Variants in RPTOR observed in about 807,000 individuals in gnomAD.
RPTOR encodes the protein regulatory-associated protein of mTOR.
In RPTOR, 21 loss-of-function variants were observed where a neutral mutation model predicts 169.9. That is an observed-to-expected ratio of 0.12 (90% CI 0.09 to 0.18). The LOEUF (loss-of-function observed/expected upper bound fraction) is 0.18. RPTOR is among the 10% of genes least tolerant of loss of function. RPTOR has a pLI of 1.00. For synonymous variants in RPTOR, 732 were observed against 753.2 expected (o/e 0.97, Z 0.46); for missense variants, 1,133 against 1,855.9 (o/e 0.61, Z 7.16).
intron 8 of RPTOR, 76 bp downstream of exon 8, chr17:80,822,377 G>A: frequency 7.1e-7 from 1 of 1,417,754 alleles, no homozygotes; most frequent in Non-Finnish European, 9.9e-7. Flanking sequence ...GGACATGAGA[G>A]GAGTCAGATA....
intron 1 of RPTOR, among the ~76,000 whole-genome samples, chr17:80,560,840 C>T (rs9893668): frequency 0.97 from 146,942 of 152,098 alleles, 70,996 homozygotes; most frequent in East Asian, 1. Context: ...CACTGCTGAG[C>T]CCGAGGCTGT....
In RPTOR at chr17:80,880,265, A is replaced by G. The variant is rs2068171533; in HGVS notation, c.1510-150A>G. 1.5e-5 allele frequency: 10 copies of G among 680,614 alleles called. No individual in the cohort carries two copies. The South Asian group carries it at 1.5e-4, about 10-fold the overall frequency. 42.2% of individuals were successfully genotyped at this position (680,614 alleles called of 1,614,324 possible). A position where few individuals can be genotyped will look rare whatever the true frequency, so the allele number is the denominator to read the frequency against. On this transcript the variant is annotated intron_variant, in intron 13 of 33. Transcript: ENST00000306801. Reference sequence around the variant, plus strand: ...AAGCATGTCTGCAGGCACCGGCTGCAGCTGTTTTTCAAATGAAAACTGGGC... The same window carrying G: ...AAGCATGTCTGCAGGCACCGGCTGCGGCTGTTTTTCAAATGAAAACTGGGC...
chr17:80,891,691 C>G (rs2289763), intron 17 of RPTOR, 29 bp from the exon 18 acceptor site: 165,281 of 1,431,388 alleles, frequency 0.12, 10,874 homozygotes, highest in South Asian at 0.24. Context: ...GCCCCAGTGA[C>G]TGTTATTGTC....
intron 6 of RPTOR, among the ~76,000 whole-genome samples, chr17:80,771,350 C>T (rs919861650): frequency 2.6e-5 from 4 of 152,224 alleles, no homozygotes; most frequent in African/African-American, 9.7e-5. Context: ...CTTTCCTCGT[C>T]ATATACACCT....
intron 30 of RPTOR, 112 bp from the exon 31 acceptor site, chr17:80,961,282 G>C: frequency 1.0e-6 from 1 of 971,508 alleles, no homozygotes; most frequent in Non-Finnish European, 1.5e-6. Context: ...GACGGGCGAG[G>C]GCCTGCGGAC....
intron 1 of RPTOR, among the ~76,000 whole-genome samples, chr17:80,591,599 G>A (rs1305078721): frequency 6.6e-6 from 1 of 151,824 alleles, no homozygotes; most frequent in Non-Finnish European, 1.5e-5. Flanking sequence ...GGGTGGTCTC[G>A]AACTCCTGAG....
intron 1 of RPTOR, among the ~76,000 whole-genome samples, chr17:80,588,635 A>G (rs898736253): frequency 6.6e-6 from 1 of 151,960 alleles, no homozygotes; most frequent in African/African-American, 2.4e-5. Context: ...TCTGTTTTTC[A>G]TTTTCATTTT....
chr17:80,901,572 A>G (rs2068476823), intron 20 of RPTOR, among the ~76,000 whole-genome samples: 1 of 152,126 alleles, frequency 6.6e-6, no homozygotes, highest in Admixed American at 6.5e-5. Context: ...GTGCTTACCT[A>G]AGTGTTTAGA....
chr17:80,896,387 G>GCCGACACCCCACACGGCCGCA (rs1567974553), intron 20 of RPTOR, among the ~76,000 whole-genome samples: 1 of 129,234 alleles, frequency 7.7e-6, no homozygotes, highest in Non-Finnish European at 1.6e-5. Context: ...ACGCGGCCTC[G>GCCGACACCCCACACGGCCGCA]CTGACACCCC....
chr17:80,917,937 C>G (rs951373339), intron 21 of RPTOR, among the ~76,000 whole-genome samples: 2 of 152,192 alleles, frequency 1.3e-5, no homozygotes, highest in African/African-American at 4.8e-5. Flanking sequence ...AAGCCACGGG[C>G]GTGCACACCC....
intron 2 of RPTOR, among the ~76,000 whole-genome samples, chr17:80,634,687 C>CTGTG (rs751285267): frequency 6.3e-5 from 5 of 79,488 alleles, no homozygotes; most frequent in African/African-American, 2.6e-4. Context: ...TGTGTGCGTA[C>CTGTG]TGTGTGCGTG....
chr17:80,732,637 C>A (rs1364474034), intron 5 of RPTOR, among the ~76,000 whole-genome samples: 2 of 152,204 alleles, frequency 1.3e-5, no homozygotes, highest in Admixed American at 1.3e-4. Flanking sequence ...TATCTTCGTT[C>A]TTTAATTACA....
At chr17:80,839,234 C>T (rs2067600434) in intron 10 of RPTOR, among the ~76,000 whole-genome samples, 1 of 152,156 alleles carries the variant, frequency 6.6e-6, no homozygotes, top group Admixed American at 6.5e-5. Context: ...TTTGACATGT[C>T]CCACGGGTGG....
intron 3 of RPTOR, among the ~76,000 whole-genome samples, chr17:80,650,067 A>T (rs1381506174): frequency 1.3e-5 from 2 of 152,264 alleles, no homozygotes; most frequent in Non-Finnish European, 2.9e-5. Flanking sequence ...CATGACCTAT[A>T]AATTCTTTTA....
At chr17:80,780,684 C>T (rs997128910) in intron 6 of RPTOR, among the ~76,000 whole-genome samples, 2 of 152,178 alleles carry the variant, frequency 1.3e-5, no homozygotes, top group Admixed American at 6.5e-5. Context: ...AATTTGCACA[C>T]ACGTCAGGTG....
chr17:80,685,627 A>ATATTTTTTTTTTTTTTTTTTTTTTT (rs1269766086), intron 3 of RPTOR, among the ~76,000 whole-genome samples: 1 of 30,700 alleles, frequency 3.3e-5, no homozygotes, highest in Non-Finnish European at 5.4e-5. Flanking sequence ...ATATATATAT[A>ATATTTTTTTTTTTTTTTTTTTTTTT]TTTTTTTTTT....
At chr17:80,672,670 G>C (rs1207252717) in intron 3 of RPTOR, among the ~76,000 whole-genome samples, 1 of 151,834 alleles carries the variant, frequency 6.6e-6, no homozygotes, top group Admixed American at 6.6e-5. Flanking sequence ...GGCACCTGTA[G>C]TCCCAGCTAC....
Position 80,820,054 on chromosome 17 carries a change from G to A in RPTOR, c.891-2147G>A, listed in dbSNP as rs1476711809. Among the ~76,000 whole-genome samples the A allele has an allele frequency of 6.6e-6, 1 of 152,142 alleles. No individual in the cohort carries two copies. The highest frequency in any genetic ancestry group is 6.5e-5 in the Admixed American group (1 of 15,272). ...GACTAACTCCAGATATGTTGAGAGA[G>A]GAGAGAACCCGTGACAGGATGCTGA... On this transcript the variant is annotated intron_variant, in intron 7 of 33. Coordinates refer to ENST00000306801, the MANE Select transcript of RPTOR (RefSeq NM_020761.3). This position sits in a 1 kb window ranked among gnomAD's most constrained non-coding sequence, Gnocchi z 4.1.
chr17:80,617,642 A>C (rs900361901), intron 1 of RPTOR, among the ~76,000 whole-genome samples: 2 of 152,258 alleles, frequency 1.3e-5, no homozygotes, highest in African/African-American at 4.8e-5. Context: ...GCTCTGTGAC[A>C]AAGTATTTTT....
Sources: allele counts gnomAD v4.1 joint callset (sites outside exome capture counted in the v4.1 genomes callset), GRCh38; gene constraint gnomAD v4.1.1; non-coding constraint Gnocchi (gnomAD v3.1); transcripts MANE v1.5; gene names NCBI Gene and HGNC (gene_info 2026-07-23, HGNC 2026-07-21).